The following DCTN2 variants were observed in gnomAD, a reference collection of about 807,000 sequenced individuals.
The protein encoded by DCTN2 is dynactin subunit 2.
DCTN2 carries 18 observed loss-of-function variants against 55.4 expected under a neutral mutation model. The observed-to-expected ratio is 0.32, with a 90% CI of 0.22 to 0.48. DCTN2 has a LOEUF of 0.48. DCTN2 is among the 20% of genes least tolerant of loss of function. The pLI is 0.99. For synonymous variants in DCTN2, 168 were observed against 185.2 expected, an observed-to-expected ratio of 0.91 and a Z score of 0.76; for missense variants, 390 against 491.0, an observed-to-expected ratio of 0.79 and a Z score of 1.94.
At chr12:57,539,770 T>C (rs1249589202) in intron 2 of DCTN2, among the ~76,000 whole-genome samples, 5 of 152,214 alleles carry the variant, frequency 3.3e-5, no homozygotes, top group Non-Finnish European at 7.3e-5. Context: ...CTCACATCTG[T>C]AATCCCAGCA....
chr12:57,546,673 T>A (rs2140143268), intron 1 of DCTN2, among the ~76,000 whole-genome samples: 1 of 152,100 alleles, frequency 6.6e-6, no homozygotes, highest in East Asian at 1.9e-4. Context: ...TTAAGTGGTC[T>A]GGTGTGTGTG....
Position 57,534,025 on chromosome 12 carries a change from G to A in DCTN2, c.597C>T (p.Pro199=), listed in dbSNP as rs771272798. The A allele has an allele frequency of 6.2e-7, 1 of 1,613,586 alleles. No homozygotes were observed. Among genetic ancestry groups the A allele is most frequent in the Admixed American group, 1.7e-5 (1 of 59,934 alleles). Residue 199 remains proline (P), a synonymous_variant, in exon 7 of 14, where the codon CCC becomes CCT. Coordinates refer to ENST00000548249, the MANE Select transcript of DCTN2 (RefSeq NM_001261413.2). ...GGSGGKTTGT[P]PDSSLVTYEL... ...CATAAGTGACAAGGCTGCTATCTGG[G>A]GGGGTCCCAGTGGTTTTTCCCCCTG...
chr12:57,533,059 AT>A (rs1879889453), intron 8 of DCTN2, 37 bp from the exon 9 acceptor site: 2 of 1,579,850 alleles, frequency 1.3e-6, no homozygotes, highest in Admixed American at 1.8e-5. Flanking sequence ...AGTGGTCCTT[AT>A]ATCTCCATGA....
Position 57,530,674 on chromosome 12 carries a change from A to G in DCTN2, c.*15T>C. 5 of 1,610,524 alleles carry G rather than the reference A, an allele frequency of 3.1e-6. No individual in the cohort carries two copies. Among genetic ancestry groups the G allele is most frequent in the Non-Finnish European group, 4.2e-6 (5 of 1,177,118 alleles). On this transcript the variant is annotated 3_prime_UTR_variant, in exon 14 of 14. Coordinates refer to ENST00000548249, the MANE Select transcript of DCTN2 (RefSeq NM_001261413.2). The stretch of plus-strand genomic sequence containing the variant: ...GGGGTAGGGATAACCCCTGTTCTCC[A>G]GCTCCCAAATGTGCTCACTTTCCCA...
intron 2 of DCTN2, chr12:57,542,798 G>A: frequency 2.2e-6 from 1 of 455,906 alleles, no homozygotes; most frequent in South Asian, 1.5e-5. Context: ...CAGCCTGGGG[G>A]AAAGAGTGAG....
chr12:57,530,224 A>G lies in DCTN2; in HGVS notation c.*465T>C, dbSNP rs961664764. 4.6e-5 allele frequency: 7 copies of G among 153,718 alleles called. No individual in the cohort carries two copies. Among genetic ancestry groups the G allele is most frequent in the African/African-American group, 9.6e-5 (4 of 41,492 alleles). The allele number at this position is 153,718 out of a possible 1,614,324, so 9.5% of individuals were successfully genotyped here. A position where few individuals can be genotyped will look rare whatever the true frequency, so the allele number is the denominator to read the frequency against. On this transcript the variant is annotated 3_prime_UTR_variant, in exon 14 of 14. Transcript: ENST00000548249. ...ACAATTTAAATCCATCTCTTGTAGT[A>G]TAGAGTGGCTTAGATTGCCTGTTAT...
chr12:57,546,968 G>GGGGGTCCTTGGGAGGTCGGGGGC, intron 1 of DCTN2, 60 bp downstream of exon 1: 1 of 1,235,136 alleles, frequency 8.1e-7, no homozygotes, highest in South Asian at 3.7e-5. Flanking sequence ...GGTTTCTGCT[G>GGGGGTCCTTGGGAGGTCGGGGGC]GGGGTCCTTG....
At position 57,535,790 on chromosome 12, in the gene DCTN2, T is replaced by C. The variant is rs1172753394; in HGVS notation, c.161A>G (p.Tyr54Cys). 6.2e-7 allele frequency: 1 copy of C among 1,613,970 alleles called. No individual in the cohort carries two copies. Among genetic ancestry groups the C allele is most frequent in the Non-Finnish European group, 8.5e-7 (1 of 1,179,856 alleles). The stretch of plus-strand genomic sequence containing the variant: ...CACTCTCTTGTCCTTGAACTTGTCA[T>C]AGGCAGCATTAGGATTGACAATGAT... ...EHIIVNPNAA[Y>C]DKFKDKRVGT... The change falls in exon 3 of 14, where the codon TAT becomes TGT. Residue 54 changes from tyrosine to cysteine, a missense_variant. Physicochemically the swap from Tyr to Cys is radical, Grantham distance 194 (BLOSUM62 -2). This residue lies in a region of DCTN2 where 117 missense variants were observed against 187.8 expected (regional missense o/e 0.62). Coordinates refer to ENST00000548249, the MANE Select transcript of DCTN2 (RefSeq NM_001261413.2).
rs114721152 is a variant in DCTN2 at position 57,538,357 on chromosome 12, G to C, written c.106-2512C>G. ...GCAGTGTCTTGAAGATCTGGGGCAT[G>C]AGTTGGGGGCAGTATAATTACAGTG... On this transcript the variant is annotated intron_variant, in intron 2 of 13. Coordinates refer to ENST00000548249, the MANE Select transcript of DCTN2 (RefSeq NM_001261413.2). The C allele has an allele frequency of 4.5e-6, 3 of 664,670 alleles. No homozygotes were observed. The Admixed American group carries it at 6.2e-5, about 14-fold the overall frequency. 41.2% of individuals were successfully genotyped at this position (664,670 alleles called of 1,614,324 possible).
chr12:57,539,429 G>A (rs1880513676), intron 2 of DCTN2, among the ~76,000 whole-genome samples: 1 of 152,206 alleles, frequency 6.6e-6, no homozygotes, highest in Non-Finnish European at 1.5e-5. Flanking sequence ...ATTCACAGGG[G>A]TTGGAGGGTA....
rs1879905866 is a variant in DCTN2 at position 57,533,232 on chromosome 12, C to G, written c.735+6G>C. The G allele has an allele frequency of 6.2e-7, 1 of 1,613,898 alleles. No homozygotes were observed. Among genetic ancestry groups the G allele is most frequent in the African/African-American group, 1.3e-5 (1 of 75,042 alleles). On this transcript the variant is annotated splice_donor_region_variant and intron_variant, in intron 8 of 13. Coordinates refer to ENST00000548249, the MANE Select transcript of DCTN2 (RefSeq NM_001261413.2). Reference sequence around the variant, plus strand: ...GGCTCAGATTATGTACAGGAGAACACCTGACCTGAGCATCCTGATCACAAC... The same window carrying G: ...GGCTCAGATTATGTACAGGAGAACAGCTGACCTGAGCATCCTGATCACAAC...
chr12:57,531,909 C>T, intron 13 of DCTN2, 106 bp downstream of exon 13: 1 of 1,501,368 alleles, frequency 6.7e-7, no homozygotes, highest in African/African-American at 1.4e-5. Context: ...AACCCCCTGC[C>T]ACAACACCAT....
chr12:57,535,290 G>A (rs1880136673), intron 4 of DCTN2, 136 bp from the exon 5 acceptor site: 2 of 976,018 alleles, frequency 2.0e-6, no homozygotes, highest in South Asian at 1.6e-5. Context: ...CCAAAGAACT[G>A]AGGACAGCTA....
At chr12:57,531,621 G>A (rs976533501) in intron 13 of DCTN2, among the ~76,000 whole-genome samples, 4 of 152,184 alleles carry the variant, frequency 2.6e-5, no homozygotes, top group Non-Finnish European at 5.9e-5. Flanking sequence ...GAAAGGAAGC[G>A]ACAGAACGAG....
chr12:57,545,245 C>T (rs1881048240), intron 2 of DCTN2, among the ~76,000 whole-genome samples: 1 of 152,202 alleles, frequency 6.6e-6, no homozygotes, highest in South Asian at 2.1e-4. Context: ...TATAAACACA[C>T]CTCTTGGCAC....
At position 57,531,954 on chromosome 12, in the gene DCTN2, C is replaced by T. The variant is rs973658610; in HGVS notation, c.1119+61G>A. On this transcript the variant is annotated intron_variant, in intron 13 of 13. Coordinates refer to ENST00000548249, the MANE Select transcript of DCTN2 (RefSeq NM_001261413.2). Reference sequence around the variant, plus strand: ...TAGGCTAAGGCAGAACCCTATAACACTGGAGAACCTAGTTTGCACATGCTG... The same window carrying T: ...TAGGCTAAGGCAGAACCCTATAACATTGGAGAACCTAGTTTGCACATGCTG... 5 of 1,550,976 alleles carry T rather than the reference C, an allele frequency of 3.2e-6. No individual in the cohort carries two copies. The African/African-American group carries it at 6.8e-5, about 21-fold the overall frequency.
In DCTN2 at chr12:57,533,968, G is replaced by C; in HGVS notation, c.654C>G (p.Phe218Leu). ...CCACACTTACTTTGGCAGCTTGAGA[G>C]AACTTGTCCTGCTCAGGCCGAGAAT... ...ELHSRPEQDK[F>L]SQAAKVAELE... The change falls in exon 7 of 14, where the codon TTC becomes TTG. Residue 218 changes from phenylalanine (F) to leucine (L), a missense_variant. Phe to Leu is a conservative substitution (Grantham distance 22, BLOSUM62 0). Around this residue, in one of 2 missense-constraint regions of DCTN2, gnomAD observed 273 missense variants for 303.2 expected, o/e 0.90. Transcript: ENST00000548249. 2 of 1,611,180 alleles carry C rather than the reference G, an allele frequency of 1.2e-6. No homozygotes were observed. The highest frequency in any genetic ancestry group is 1.7e-6 in the Non-Finnish European group (2 of 1,178,674).
chr12:57,532,776 G>A lies in DCTN2; in HGVS notation c.809C>T (p.Ala270Val). The change falls in exon 10 of 14, where the codon GCC (alanine) becomes GTC (valine). Residue 270 changes from alanine to valine, a missense_variant. Coordinates refer to ENST00000548249, the MANE Select transcript of DCTN2 (RefSeq NM_001261413.2). ...TTGATCCAAAACTGCAAGGTCTAGG[G>A]CGCTCACCTTTGCTTGCAACAGCTC... ...TVELLQAKVS[A>V]LDLAVLDQVE... 6.2e-7 allele frequency: 1 copy of A among 1,613,936 alleles called. No homozygotes were observed. Among genetic ancestry groups the A allele is most frequent in the Non-Finnish European group, 8.5e-7 (1 of 1,179,884 alleles).
chr12:57,533,040 G>A lies in DCTN2; in HGVS notation c.736-18C>T. 6.3e-7 allele frequency: 1 copy of A among 1,592,022 alleles called. No homozygotes were observed. The highest frequency in any genetic ancestry group is 1.1e-5 in the South Asian group (1 of 87,914). ...AGGGGATTCTGGTGGGAAAGGAAGG[G>A]AAGAAGTGAGTGGTCCTTATATCTC... On this transcript the variant is annotated intron_variant, in intron 8 of 13. Coordinates refer to ENST00000548249, the MANE Select transcript of DCTN2 (RefSeq NM_001261413.2).
Sources: gnomAD v4.1 joint callset for allele counts (sites outside exome capture counted in the v4.1 genomes callset) on GRCh38, gnomAD v4.1.1 for gene constraint, gnomAD v4.1.1 regional missense constraint, MANE v1.5 for transcripts, NCBI Gene and HGNC (gene_info 2026-07-23, HGNC 2026-07-21) for gene names.